The following VWA3B variants were observed in gnomAD, a reference collection of about 807,000 sequenced individuals.
The protein encoded by VWA3B is von Willebrand factor A domain containing 3B.
VWA3B carries 138 observed loss-of-function variants against 158.3 expected under a neutral mutation model. The observed-to-expected ratio is 0.87, with a 90% CI of 0.76 to 1.00. The LOEUF is 1.00. Ranked by LOEUF, VWA3B falls within the 50% of genes least tolerant of loss-of-function variation. The probability of loss-of-function intolerance (pLI) is 0.00; values close to 1 mark genes in which losing one functional copy is unlikely to be tolerated. For synonymous variants in VWA3B, 596 were observed against 587.3 expected (o/e 1.01, Z -0.21); for missense variants, 1,555 against 1,565.1 (o/e 0.99, Z 0.11).
chr2:98,194,619 G>A (rs1681886329), intron 12 of VWA3B, 127 bp downstream of exon 12: 2 of 1,155,792 alleles, frequency 1.7e-6, no homozygotes, highest in Non-Finnish European at 1.2e-6. Flanking sequence ...TTAACATGTA[G>A]ACTTTTGTTT....
At position 98,211,947 on chromosome 2, in the gene VWA3B, C is replaced by G. The variant is rs373988511; in HGVS notation, c.1755C>G (p.Asn585Lys). The stretch of plus-strand genomic sequence containing the variant: ...TTCCGTAGATTGGAAGCTCCACAAA[C>G]ACCCTGAGTGCCCTGAAAACTGCTT... ...IRDIKIGSST[N>K]TLSALKTAFA... The change falls in exon 13 of 28, where the codon AAC becomes AAG. Residue 585 changes from asparagine to lysine, a missense_variant. Coordinates refer to ENST00000477737, the MANE Select transcript of VWA3B (RefSeq NM_144992.5). 6.2e-7 allele frequency: 1 copy of G among 1,614,100 alleles called. No homozygotes were observed. Among genetic ancestry groups the G allele is most frequent in the Admixed American group, 1.7e-5 (1 of 60,014 alleles).
At chr2:98,285,633 C>A (rs1689124283) in intron 22 of VWA3B, among the ~76,000 whole-genome samples, 1 of 151,222 alleles carries the variant, frequency 6.6e-6, no homozygotes, top group Non-Finnish European at 1.5e-5. Context: ...ACCACAATTT[C>A]TTGATGACTG....
intron 7 of VWA3B, among the ~76,000 whole-genome samples, chr2:98,145,496 A>G (rs1471131656): frequency 6.6e-6 from 1 of 152,240 alleles, no homozygotes; most frequent in Non-Finnish European, 1.5e-5. Flanking sequence ...GACTGTTCTC[A>G]TAACCATTGC....
chr2:98,137,316 T>C (rs1676358917), intron 7 of VWA3B, among the ~76,000 whole-genome samples: 1 of 152,248 alleles, frequency 6.6e-6, no homozygotes, highest in Admixed American at 6.5e-5. Flanking sequence ...TTATTTTCCC[T>C]GTTTTTGATA....
At chr2:98,091,229 TG>T (rs1266769164) in intron 1 of VWA3B, among the ~76,000 whole-genome samples, 1 of 151,956 alleles carries the variant, frequency 6.6e-6, no homozygotes, top group East Asian at 1.9e-4. Context: ...GATAGCAGAG[TG>T]GTTAAGAAAT....
chr2:98,112,730 A>G (rs1218621931), intron 2 of VWA3B, among the ~76,000 whole-genome samples: 1 of 151,016 alleles, frequency 6.6e-6, no homozygotes, highest in Non-Finnish European at 1.5e-5. Flanking sequence ...CTTCTAATCT[A>G]TTTTTACGCC....
intron 14 of VWA3B, among the ~76,000 whole-genome samples, chr2:98,227,682 G>C (rs1685024236): frequency 6.6e-6 from 1 of 152,152 alleles, no homozygotes; most frequent in Admixed American, 6.5e-5. Context: ...TAAAATTCTA[G>C]AAAACTGAAA....
chr2:98,196,230 T>A (rs1682027987), intron 12 of VWA3B, among the ~76,000 whole-genome samples: 3 of 152,158 alleles, frequency 2.0e-5, no homozygotes, highest in African/African-American at 7.2e-5. Context: ...TTAATAACAA[T>A]GTATTGTATA....
chr2:98,111,905 G>A (rs952673649), intron 2 of VWA3B, among the ~76,000 whole-genome samples: 20 of 152,106 alleles, frequency 1.3e-4, no homozygotes, highest in African/African-American at 4.6e-4. Context: ...TTGCTGAGCA[G>A]AAGCTCTTTA....
chr2:98,137,863 A>C (rs7571737), intron 7 of VWA3B, among the ~76,000 whole-genome samples: 13,313 of 102,202 alleles, frequency 0.13, 760 homozygotes, highest in Middle Eastern at 0.2. Flanking sequence ...AAATAATAAC[A>C]AATTCTGTTT....
At chr2:98,115,769 C>T (rs761895450) in intron 3 of VWA3B, 23 bp downstream of exon 3, 11 of 1,577,266 alleles carry the variant, frequency 7.0e-6, no homozygotes, top group African/African-American at 5.4e-5. Context: ...TCCCTCAATG[C>T]GCAGTCCTGT....
chr2:98,168,585 A>G (rs1679307783), intron 8 of VWA3B, among the ~76,000 whole-genome samples: 1 of 152,216 alleles, frequency 6.6e-6, no homozygotes, highest in African/African-American at 2.4e-5. Flanking sequence ...GAGACAAGAA[A>G]GATATTTAAA....
rs1468871086 is a variant in VWA3B, at chr2:98,194,491, A to G, written c.1736A>G (p.Lys579Arg). 3 of 1,613,588 alleles carry G rather than the reference A, an allele frequency of 1.9e-6. No homozygotes were observed. The African/African-American group carries it at 4.0e-5, about 22-fold the overall frequency. The change falls in exon 12 of 28, where the codon AAG becomes AGG. Residue 579 changes from lysine to arginine, a missense_variant and splice_region_variant. Transcript: ENST00000477737. ...EQAQSWIRDI[K>R]IGSSTNTLSA... is the part of the protein sequence containing the mutation. ...GCTCAGTCCTGGATTAGAGACATAA[A>G]GGTAAGTTGGAGACTAAGCTGGGAG...
intron 19 of VWA3B, among the ~76,000 whole-genome samples, chr2:98,242,901 G>A (rs1430356239): frequency 6.6e-6 from 1 of 151,268 alleles, no homozygotes; most frequent in Non-Finnish European, 1.5e-5. Context: ...TAATAGCAAT[G>A]AACACAAAAC....
At position 98,265,289 on chromosome 2, in the gene VWA3B, C is replaced by T. The variant is rs551676697; in HGVS notation, c.2844-5393C>T. ...ATTCCCACCTGTGAGTGAGAATATG[C>T]GGTGTTTGGTTTTTTGTTCTTGCGA... On this transcript the variant is annotated intron_variant, in intron 21 of 27. Transcript: ENST00000477737. 2.0e-3 allele frequency among the ~76,000 whole-genome samples: 296 copies of T among 149,298 alleles called. 2 individuals carry two copies. Among genetic ancestry groups the T allele is most frequent in the African/African-American group, 6.9e-3 (278 of 40,462 alleles).
chr2:98,278,537 C>T (rs886591037), intron 22 of VWA3B, among the ~76,000 whole-genome samples: 1 of 150,928 alleles, frequency 6.6e-6, no homozygotes, highest in African/African-American at 2.5e-5. Context: ...AAGTGACTCT[C>T]AGCAGGATGG....
rs140063444 is a variant in VWA3B, at chr2:98,286,714, G to A, written c.3046-3797G>A. On this transcript the variant is annotated intron_variant, in intron 22 of 27. Coordinates refer to ENST00000477737, the MANE Select transcript of VWA3B (RefSeq NM_144992.5). ...ATGGATTTTGTGTCTACATTCATGGGGAATATAGGTCTATAGTGTCCTTTT... is the reference window on the plus strand; with the variant it reads ...ATGGATTTTGTGTCTACATTCATGGAGAATATAGGTCTATAGTGTCCTTTT... Among the ~76,000 whole-genome samples the A allele has an allele frequency of 3.2e-3, 481 of 152,126 alleles. 2 individuals carry two copies. The highest frequency in any genetic ancestry group is 0.011 in the African/African-American group (464 of 41,502).
intron 21 of VWA3B, among the ~76,000 whole-genome samples, chr2:98,268,818 G>A (rs1217924357): frequency 6.6e-6 from 1 of 151,716 alleles, no homozygotes; most frequent in Non-Finnish European, 1.5e-5. Flanking sequence ...ATCATAATTT[G>A]CTATACTACC....
chr2:98,146,595 G>T (rs1221330180), intron 7 of VWA3B, among the ~76,000 whole-genome samples: 8 of 152,098 alleles, frequency 5.3e-5, no homozygotes. Flanking sequence ...TGTGGGTGAG[G>T]CACCCCCCAC....
Sources: gnomAD v4.1 joint callset for allele counts (sites outside exome capture counted in the v4.1 genomes callset) on GRCh38, gnomAD v4.1.1 for gene constraint, MANE v1.5 for transcripts, NCBI Gene and HGNC (gene_info 2026-07-23, HGNC 2026-07-21) for gene names.